Variants in PADI1 observed in about 807,000 individuals in gnomAD.
PADI1 encodes peptidyl arginine deiminase 1, also known as protein-arginine deiminase type-1.
In PADI1, 65 loss-of-function variants were observed where a neutral mutation model predicts 74.8. The observed-to-expected ratio is 0.87, with a 90% CI of 0.71 to 1.07. The LOEUF (loss-of-function observed/expected upper bound fraction) is 1.07. Among genes scored for constraint, PADI1 ranks in the 50% least tolerant of loss-of-function variants. The pLI, the probability that PADI1 is intolerant of heterozygous loss-of-function variation, is 0.00. For synonymous variants in PADI1, 371 were observed against 336.2 expected, an observed-to-expected ratio of 1.10 and a Z score of -1.13; for missense variants, 943 against 854.0, an observed-to-expected ratio of 1.10 and a Z score of -1.30.
chr1:17,232,884 C>T lies in PADI1; in HGVS notation c.1227C>T (p.Phe409=), dbSNP rs374122334. Reference sequence around the variant, plus strand: ...CTGGTCCCTCCAGCCTTGACTCCTTCGGCAACCTGGACGTCAGCCCGCCCG... The same window carrying T: ...CTGGTCCCTCCAGCCTTGACTCCTTTGGCAACCTGGACGTCAGCCCGCCCG... The part of the protein sequence containing the change: ...PLPGPSSLDS[F]GNLDVSPPVT... The change falls in exon 11 of 16, where the codon TTC becomes TTT. Residue 409 remains phenylalanine (F), a synonymous_variant. Coordinates refer to ENST00000375471, the MANE Select transcript of PADI1 (RefSeq NM_013358.3). The T allele has an allele frequency of 2.0e-5, 33 of 1,613,450 alleles. No homozygotes were observed. The highest frequency in any genetic ancestry group is 1.1e-4 in the African/African-American group (8 of 74,868).
chr1:17,226,079 C>T lies in PADI1; in HGVS notation c.573C>T (p.Asp191=). 6.2e-7 allele frequency: 1 copy of T among 1,614,206 alleles called. No homozygotes were observed. Among genetic ancestry groups the T allele is most frequent in the Non-Finnish European group, 8.5e-7 (1 of 1,180,042 alleles). The change falls in exon 6 of 16, where the codon GAC becomes GAT. Residue 191 remains aspartate (D), a synonymous_variant. Transcript: ENST00000375471. ...TGCTGCTGAGCTGCAATGGCCCCGA[C>T]AAGCTCTTCGACAGCCACAAGCTTG... ...SPMLLSCNGP[D]KLFDSHKLVL...
At chr1:17,229,487 C>G (rs146526724) in intron 8 of PADI1, among the ~76,000 whole-genome samples, 1 of 152,216 alleles carries the variant, frequency 6.6e-6, no homozygotes, top group Non-Finnish European at 1.5e-5. Context: ...GTCCTTCTGC[C>G]GTCTCTCAGA....
chr1:17,218,073 G>A (rs905972584), intron 1 of PADI1, among the ~76,000 whole-genome samples: 2 of 152,078 alleles, frequency 1.3e-5, no homozygotes, highest in Non-Finnish European at 2.9e-5. Context: ...CAACGTTTAC[G>A]TCACATATCA....
intron 4 of PADI1, among the ~76,000 whole-genome samples, 195 bp downstream of exon 4, chr1:17,224,623 G>A (rs978083651): frequency 3.9e-5 from 6 of 152,198 alleles, no homozygotes; most frequent in Non-Finnish European, 8.8e-5. Flanking sequence ...CCGACATGCT[G>A]TGTGACTGCT....
chr1:17,205,883 C>T (rs777577830), intron 1 of PADI1, among the ~76,000 whole-genome samples: 8 of 152,120 alleles, frequency 5.3e-5, no homozygotes, highest in Non-Finnish European at 8.8e-5. Context: ...ATGGTGATGA[C>T]GCTGATTATG....
At position 17,228,947 on chromosome 1, in the gene PADI1, G is replaced by C; in HGVS notation, c.826-1G>C. 5.6e-6 allele frequency: 9 copies of C among 1,597,380 alleles called. No individual in the cohort carries two copies. Among genetic ancestry groups the C allele is most frequent in the Non-Finnish European group, 7.7e-6 (9 of 1,170,674 alleles). ...CCACCAAGTCCTCATTTTCCCCTCA[G>C]ACCCTGCCCGAGGTGACCCTCTTCA... On this transcript the variant is annotated splice_acceptor_variant, in intron 7 of 15. Transcript: ENST00000375471. LOFTEE classifies it high-confidence loss of function.
chr1:17,234,273 C>G (rs1469746510), intron 11 of PADI1, among the ~76,000 whole-genome samples: 4 of 152,212 alleles, frequency 2.6e-5, no homozygotes, highest in African/African-American at 9.6e-5. Flanking sequence ...GTGAACAAAA[C>G]AGATGCATTT....
rs778642947 is a variant in PADI1, at chr1:17,240,713, C to T, written c.1711C>T (p.Leu571Phe). 3 of 1,614,032 alleles carry T rather than the reference C, an allele frequency of 1.9e-6. No homozygotes were observed. Among genetic ancestry groups the T allele is most frequent in the East Asian group, 4.5e-5 (2 of 44,900 alleles). The stretch of plus-strand genomic sequence containing the variant: ...GAGTGACATCGTGGACATTCCCCAG[C>T]TCTTCTTCCTGAAAAACTTCTACGC... Reference protein sequence around the residue: ...AESDIVDIPQLFFLKNFYAEA... With the variant: ...AESDIVDIPQFFFLKNFYAEA... The change falls in exon 15 of 16, where the codon CTC (leucine) becomes TTC (phenylalanine). Residue 571 changes from leucine (L) to phenylalanine (F), a missense_variant. Physicochemically the swap from Leu to Phe is conservative, Grantham distance 22. Transcript: ENST00000375471.
intron 1 of PADI1, among the ~76,000 whole-genome samples, chr1:17,220,261 T>C (rs188317839): frequency 2.6e-5 from 4 of 151,980 alleles, no homozygotes; most frequent in Admixed American, 2.6e-4. Context: ...GAGCGCCAAG[T>C]AGGACTCGTG....
At chr1:17,211,273 G>A (rs539168811) in intron 1 of PADI1, among the ~76,000 whole-genome samples, 33 of 152,066 alleles carry the variant, frequency 2.2e-4, no homozygotes, top group African/African-American at 8.0e-4. Context: ...GCAGTGGCAC[G>A]ATCTTGGCTC....
At chr1:17,230,544 T>C (rs10888010) in intron 9 of PADI1, 28 bp from the exon 10 acceptor site, 644,535 of 1,495,748 alleles carry the variant, frequency 0.43, 141,144 homozygotes, top group African/African-American at 0.56. Flanking sequence ...AAAAGGTCAC[T>C]GTGGCTTTTT....
intron 1 of PADI1, among the ~76,000 whole-genome samples, chr1:17,211,068 G>T (rs908493860): frequency 6.6e-6 from 1 of 152,214 alleles, no homozygotes; most frequent in Non-Finnish European, 1.5e-5. Context: ...CTTGGTCAGG[G>T]AGGAGAGTGA....
At chr1:17,239,556 G>C (rs778857147) in intron 13 of PADI1, 148 bp from the exon 14 acceptor site, 1 of 643,842 alleles carries the variant, frequency 1.6e-6, no homozygotes. Flanking sequence ...CCCTTCAGGG[G>C]TTCTCAGTCT....
At chr1:17,206,509 T>C (rs2071686170) in intron 1 of PADI1, among the ~76,000 whole-genome samples, 1 of 151,980 alleles carries the variant, frequency 6.6e-6, no homozygotes, top group Non-Finnish European at 1.5e-5. Context: ...GACCCCATTG[T>C]CTCTTGCCCT....
At chr1:17,223,210 A>G (rs1445473851) in intron 2 of PADI1, among the ~76,000 whole-genome samples, 1 of 152,168 alleles carries the variant, frequency 6.6e-6, no homozygotes, top group African/African-American at 2.4e-5. Context: ...CTCCAGGACC[A>G]CTGACTGGGG....
intron 8 of PADI1, among the ~76,000 whole-genome samples, chr1:17,229,604 A>G (rs1321472244): frequency 6.6e-6 from 1 of 152,224 alleles, no homozygotes; most frequent in African/African-American, 2.4e-5. Context: ...TGAGCTGGTC[A>G]TAAGTTAAAA....
chr1:17,229,305 G>A (rs1408608532), intron 8 of PADI1, among the ~76,000 whole-genome samples: 2 of 152,122 alleles, frequency 1.3e-5, no homozygotes, highest in Admixed American at 6.5e-5. Flanking sequence ...ATCCTGTCCT[G>A]TGGCTGCAGC....
rs2072445888 is a variant in PADI1 at position 17,230,166 on chromosome 1, C to T, written c.1011C>T (p.Thr337=). The T allele has an allele frequency of 6.2e-7, 1 of 1,614,154 alleles. No homozygotes were observed. The highest frequency in any genetic ancestry group is 2.2e-5 in the East Asian group (1 of 44,876). ...YLTLKANCKL[T]ICPQVENRND... ...CATTGAAAGCCAACTGCAAGCTGAC[C>T]ATCTGCCCTCAAGTTGAAAATCGAA... The change falls in exon 9 of 16, where the codon ACC becomes ACT. Residue 337 remains threonine (T), a synonymous_variant. Coordinates refer to ENST00000375471, the MANE Select transcript of PADI1 (RefSeq NM_013358.3).
At position 17,245,228 on chromosome 1, in the gene PADI1, T is replaced by C. The variant is rs2072859819; in HGVS notation, c.*985T>C. On this transcript the variant is annotated 3_prime_UTR_variant, in exon 16 of 16. Transcript: ENST00000375471. The surrounding 1 kb of genome is among the most constrained non-coding windows in gnomAD (Gnocchi z 4.1). ...TGGAGTTTAATTTCCTTTAATAGTC[T>C]TTAATTATTCCCCTTCATTCTGCAG... The C allele has an allele frequency of 6.6e-6, 1 of 152,646 alleles. No individual in the cohort carries two copies. Among genetic ancestry groups the C allele is most frequent in the Non-Finnish European group, 1.5e-5 (1 of 68,050 alleles). The allele number at this position is 152,646 out of a possible 1,614,324, so 9.5% of individuals were successfully genotyped here. A position where few individuals can be genotyped will look rare whatever the true frequency, so the allele number is the denominator to read the frequency against.
Sources: allele counts gnomAD v4.1 joint callset (sites outside exome capture counted in the v4.1 genomes callset), GRCh38; gene constraint gnomAD v4.1.1; non-coding constraint Gnocchi (gnomAD v3.1); transcripts MANE v1.5; gene names NCBI Gene and HGNC (gene_info 2026-07-23, HGNC 2026-07-21).